ARSB: variants seen among roughly 807,000 people sequenced by gnomAD.
ARSB encodes the protein arylsulfatase B.
ARSB carries 41 observed loss-of-function variants against 50.9 expected under a neutral mutation model. The ratio of observed to expected loss-of-function variants is 0.81; its 90% CI spans 0.63 to 1.04. ARSB has a LOEUF of 1.04. ARSB is among the 50% of genes least tolerant of loss of function. ARSB has a pLI of 0.00. For missense variants in ARSB, 672 were observed against 693.3 expected (o/e 0.97, Z 0.35); for synonymous variants, 269 against 284.8 (o/e 0.94, Z 0.56).
At chr5:78,862,188 G>A (rs1277731564) in intron 5 of ARSB, among the ~76,000 whole-genome samples, 1 of 152,182 alleles carries the variant, frequency 6.6e-6, no homozygotes, top group South Asian at 2.1e-4. Context: ...TGGCCATACT[G>A]CCCGAGGTAA....
intron 6 of ARSB, among the ~76,000 whole-genome samples, chr5:78,820,654 A>G (rs1367012322): frequency 6.6e-6 from 1 of 152,144 alleles, no homozygotes; most frequent in Non-Finnish European, 1.5e-5. Flanking sequence ...AATAAAGTAG[A>G]CCTTTATCAG....
chr5:78,826,423 T>C (rs1744434394), intron 6 of ARSB, among the ~76,000 whole-genome samples: 1 of 152,202 alleles, frequency 6.6e-6, no homozygotes, highest in Non-Finnish European at 1.5e-5. Context: ...TGTTTGGGTA[T>C]AGAAAAGAAC....
At chr5:78,856,599 T>C (rs948637542) in intron 5 of ARSB, among the ~76,000 whole-genome samples, 5 of 152,216 alleles carry the variant, frequency 3.3e-5, no homozygotes, top group Non-Finnish European at 5.9e-5. Flanking sequence ...ATATCAACTC[T>C]TGTGATCACT....
chr5:78,794,244 T>G (rs1743095882), intron 6 of ARSB, among the ~76,000 whole-genome samples: 1 of 152,116 alleles, frequency 6.6e-6, no homozygotes, highest in Non-Finnish European at 1.5e-5. Flanking sequence ...TTCCTGGGCT[T>G]GCGGCTCTGT....
At chr5:78,897,822 T>C (rs1228715488) in intron 4 of ARSB, among the ~76,000 whole-genome samples, 2 of 152,022 alleles carry the variant, frequency 1.3e-5, no homozygotes, top group Non-Finnish European at 2.9e-5. Flanking sequence ...AAAAATGCAC[T>C]AAAAGCTGCT....
intron 6 of ARSB, among the ~76,000 whole-genome samples, chr5:78,786,695 C>G (rs920694457): frequency 6.6e-6 from 1 of 152,228 alleles, no homozygotes; most frequent in Admixed American, 6.5e-5. Flanking sequence ...CTTTAGCTCA[C>G]TGCATCCTTA....
chr5:78,956,275 C>T (rs1410897357), intron 3 of ARSB, among the ~76,000 whole-genome samples: 1 of 152,114 alleles, frequency 6.6e-6, no homozygotes, highest in Non-Finnish European at 1.5e-5. Context: ...TAAAAGTCCT[C>T]ATATTATGTA....
At chr5:78,881,530 A>C (rs1263171071) in intron 5 of ARSB, among the ~76,000 whole-genome samples, 2 of 152,232 alleles carry the variant, frequency 1.3e-5, no homozygotes, top group African/African-American at 4.8e-5. Context: ...ATAAGTGGAA[A>C]AGCACATGGA....
Position 78,861,974 on chromosome 5 carries a change from GACAA to G in ARSB, c.1143-22552_1143-22549del, listed in dbSNP as rs1458660043. Reference sequence around the variant, plus strand: ...CAAGCATTCCTATACACAAATAACAGACAAACAGAGAACCAAATCACAACTGAAC... The same window carrying G: ...CAAGCATTCCTATACACAAATAACAGACAGAGAACCAAATCACAACTGAAC... On this transcript the variant is annotated intron_variant, in intron 5 of 7. Coordinates refer to ENST00000264914, the MANE Select transcript of ARSB (RefSeq NM_000046.5). Among the ~76,000 whole-genome samples the G allele has an allele frequency of 5.3e-5, 8 of 152,066 alleles. No individual in the cohort carries two copies. The South Asian group carries it at 6.2e-4, about 12-fold the overall frequency.
intron 6 of ARSB, among the ~76,000 whole-genome samples, chr5:78,804,162 G>A (rs1204803456): frequency 6.6e-6 from 1 of 151,222 alleles, no homozygotes; most frequent in African/African-American, 2.4e-5. Flanking sequence ...GGGAAGAGAA[G>A]TCTCTCAGGA....
At chr5:78,907,526 A>C (rs1749117993) in intron 4 of ARSB, among the ~76,000 whole-genome samples, 1 of 152,176 alleles carries the variant, frequency 6.6e-6, no homozygotes, top group African/African-American at 2.4e-5. Context: ...TGCATGCTTT[A>C]GCTGCGTTAA....
chr5:78,968,221 C>A (rs1161912420), intron 2 of ARSB, among the ~76,000 whole-genome samples: 1 of 147,878 alleles, frequency 6.8e-6, no homozygotes, highest in East Asian at 1.9e-4. Flanking sequence ...AGTCTTCCCC[C>A]ACCCCCTTCA....
chr5:78,837,594 TA>T (rs1745006723), intron 6 of ARSB, among the ~76,000 whole-genome samples: 1 of 152,164 alleles, frequency 6.6e-6, no homozygotes, highest in South Asian at 2.1e-4. Flanking sequence ...TTAGCCACAT[TA>T]AGAAAGGAAG....
intron 5 of ARSB, among the ~76,000 whole-genome samples, chr5:78,876,956 G>A (rs1198798036): frequency 3.3e-5 from 5 of 152,164 alleles, no homozygotes; most frequent in African/African-American, 1.2e-4. Flanking sequence ...TCTAACTAAT[G>A]CCTTATGATC....
intron 4 of ARSB, among the ~76,000 whole-genome samples, chr5:78,904,698 T>C (rs1247021759): frequency 1.4e-5 from 2 of 147,796 alleles, no homozygotes; most frequent in African/African-American, 5.0e-5. Flanking sequence ...TTTTTTTTTT[T>C]TTTTTTTGAG....
chr5:78,803,518 A>G (rs1743466759), intron 6 of ARSB, among the ~76,000 whole-genome samples: 2 of 152,178 alleles, frequency 1.3e-5, no homozygotes, highest in African/African-American at 4.8e-5. Context: ...CTGCTTTCCG[A>G]CTGCCAAAGG....
At chr5:78,810,610 G>C (rs928171904) in intron 6 of ARSB, among the ~76,000 whole-genome samples, 2 of 152,170 alleles carry the variant, frequency 1.3e-5, no homozygotes, top group Non-Finnish European at 2.9e-5. Context: ...GCAAAGCTGC[G>C]CCTTTAACCA....
chr5:78,895,311 T>C (rs183860545), intron 4 of ARSB, among the ~76,000 whole-genome samples: 29 of 152,334 alleles, frequency 1.9e-4, no homozygotes, highest in African/African-American at 6.7e-4. Flanking sequence ...AAAGTGTCTT[T>C]ACCTGTTTTT....
chr5:78,789,589 A>G (rs1021453041), intron 6 of ARSB, among the ~76,000 whole-genome samples: 1 of 152,240 alleles, frequency 6.6e-6, no homozygotes, highest in Non-Finnish European at 1.5e-5. Context: ...AAGTCATCAC[A>G]AAGGCCACCA....
Sources: allele counts gnomAD v4.1 joint callset (sites outside exome capture counted in the v4.1 genomes callset), GRCh38; gene constraint gnomAD v4.1.1; transcripts MANE v1.5; gene names NCBI Gene and HGNC (gene_info 2026-07-23, HGNC 2026-07-21).